Variants in BMERB1 observed in about 807,000 individuals in gnomAD.
The protein encoded by BMERB1 is bMERB domain containing 1, also known as bMERB domain-containing protein 1.
Under a neutral mutation model 23.6 loss-of-function variants are expected in BMERB1, and 12 were observed. That is an observed-to-expected ratio of 0.51 (90% CI 0.33 to 0.82). The LOEUF is 0.82. BMERB1 is among the 40% of genes least tolerant of loss of function. BMERB1 has a pLI of 0.03. For synonymous variants in BMERB1, 122 were observed against 96.6 expected, an observed-to-expected ratio of 1.26 and a Z score of -1.54; for missense variants, 247 against 255.4, an observed-to-expected ratio of 0.97 and a Z score of 0.22.
intron 2 of BMERB1, among the ~76,000 whole-genome samples, chr16:15,526,392 G>A (rs923574926): frequency 1.4e-4 from 21 of 152,136 alleles, no homozygotes; most frequent in African/African-American, 3.9e-4. Flanking sequence ...TAGGCCGGGC[G>A]TGGTGGCTCA....
At chr16:15,542,815 A>G (rs1222012661) in intron 2 of BMERB1, among the ~76,000 whole-genome samples, 3 of 152,112 alleles carry the variant, frequency 2.0e-5, no homozygotes, top group African/African-American at 7.2e-5. Flanking sequence ...CTGCCACTGC[A>G]TCAAACCCCT....
intron 1 of BMERB1, among the ~76,000 whole-genome samples, chr16:15,452,649 T>C (rs1724466323): frequency 6.6e-6 from 1 of 152,140 alleles, no homozygotes; most frequent in Non-Finnish European, 1.5e-5. Flanking sequence ...GTACAAACTT[T>C]CCCTGTGTCC....
chr16:15,553,383 G>C (rs2150966982), intron 2 of BMERB1, among the ~76,000 whole-genome samples: 1 of 152,332 alleles, frequency 6.6e-6, no homozygotes, highest in East Asian at 1.9e-4. Flanking sequence ...GCTGAGGCAG[G>C]AGGATTGCTC....
intron 1 of BMERB1, among the ~76,000 whole-genome samples, chr16:15,469,605 T>C (rs1226533748): frequency 1.3e-5 from 2 of 152,220 alleles, no homozygotes; most frequent in Non-Finnish European, 2.9e-5. Flanking sequence ...TATGTGGAGT[T>C]TGCCAATCCA....
chr16:15,578,890 G>A (rs1358838234), intron 3 of BMERB1, among the ~76,000 whole-genome samples: 2 of 152,192 alleles, frequency 1.3e-5, no homozygotes, highest in Non-Finnish European at 1.5e-5. Context: ...AGTGGAAGAT[G>A]ATGGGAAAGG....
intron 2 of BMERB1, among the ~76,000 whole-genome samples, chr16:15,523,609 C>G (rs924769711): frequency 6.6e-6 from 1 of 152,182 alleles, no homozygotes; most frequent in Non-Finnish European, 1.5e-5. Flanking sequence ...AATTCTACTT[C>G]TTACCAACTG....
intron 2 of BMERB1, among the ~76,000 whole-genome samples, chr16:15,563,605 TAC>T (rs1003971090): frequency 1.3e-5 from 2 of 152,116 alleles, no homozygotes; most frequent in Admixed American, 6.6e-5. Context: ...CCACTGGCTG[TAC>T]AGGAAGCATG....
At chr16:15,527,902 A>C (rs1472247590) in intron 2 of BMERB1, among the ~76,000 whole-genome samples, 1 of 151,756 alleles carries the variant, frequency 6.6e-6, no homozygotes, top group African/African-American at 2.4e-5. Context: ...CCAACCCTCC[A>C]CCTCATATAT....
intron 3 of BMERB1, among the ~76,000 whole-genome samples, 179 bp downstream of exon 3, chr16:15,568,235 T>C (rs1481050892): frequency 6.6e-6 from 1 of 152,246 alleles, no homozygotes; most frequent in Non-Finnish European, 1.5e-5. Flanking sequence ...TAGTGAATTC[T>C]GGTCACCTTC....
At chr16:15,572,386 C>CTG (rs1399542996) in intron 3 of BMERB1, among the ~76,000 whole-genome samples, 1 of 152,152 alleles carries the variant, frequency 6.6e-6, no homozygotes, top group Non-Finnish European at 1.5e-5. Flanking sequence ...GTGCCCAGCA[C>CTG]TGTGTAGGCC....
chr16:15,568,464 C>G (rs2030638463), intron 3 of BMERB1, among the ~76,000 whole-genome samples: 2 of 151,954 alleles, frequency 1.3e-5, no homozygotes, highest in Admixed American at 6.6e-5. Flanking sequence ...ATGGCAAAAC[C>G]CCATCTCTAC....
intron 1 of BMERB1, among the ~76,000 whole-genome samples, chr16:15,453,832 C>T (rs2051062786): frequency 6.6e-6 from 1 of 152,144 alleles, no homozygotes; most frequent in Admixed American, 6.5e-5. Context: ...CGAGATTTCG[C>T]CACTGCACTC....
At chr16:15,558,568 C>T (rs1004078012) in intron 2 of BMERB1, among the ~76,000 whole-genome samples, 2 of 152,110 alleles carry the variant, frequency 1.3e-5, no homozygotes, top group Non-Finnish European at 2.9e-5. Context: ...CGGGTTCGAA[C>T]TGGACAGGAG....
At chr16:15,439,974 G>A (rs894239339) in intron 1 of BMERB1, among the ~76,000 whole-genome samples, 4 of 152,236 alleles carry the variant, frequency 2.6e-5, no homozygotes, top group South Asian at 2.1e-4. Context: ...GCTGGGTGTG[G>A]TGGCTCATGC....
rs371160708 is a variant in BMERB1 at position 15,528,451 on chromosome 16, G to A, written c.230+13023G>A. On this transcript the variant is annotated intron_variant, in intron 2 of 5. Coordinates refer to ENST00000300006, the MANE Select transcript of BMERB1 (RefSeq NM_033201.3). The stretch of plus-strand genomic sequence containing the variant: ...AAGAGTCATAAACATTTACACCATA[G>A]CAAACACCTTCCAGAATTTGTTAGC... Among the ~76,000 whole-genome samples the A allele has an allele frequency of 2.6e-5, 4 of 152,256 alleles. No individual in the cohort carries two copies. In the South Asian group the frequency reaches 6.2e-4, roughly 24 times the overall value.
intron 1 of BMERB1, among the ~76,000 whole-genome samples, chr16:15,468,785 C>G (rs2051205221): frequency 1.3e-5 from 2 of 151,794 alleles, no homozygotes; most frequent in African/African-American, 4.8e-5. Flanking sequence ...TAAGATTTTC[C>G]CTTGTTTTGT....
intron 1 of BMERB1, among the ~76,000 whole-genome samples, chr16:15,474,631 C>T (rs2051260159): frequency 6.6e-6 from 1 of 152,176 alleles, no homozygotes; most frequent in Non-Finnish European, 1.5e-5. Context: ...CCTCCTGCCT[C>T]AGCCTCCTAA....
chr16:15,485,784 C>T (rs2051363936), intron 1 of BMERB1, among the ~76,000 whole-genome samples: 3 of 152,062 alleles, frequency 2.0e-5, no homozygotes, highest in South Asian at 4.1e-4. Context: ...TGTTGGTTCC[C>T]AGCTTGGCTT....
chr16:15,586,493 G>A (rs2031145578), intron 5 of BMERB1, among the ~76,000 whole-genome samples: 1 of 152,206 alleles, frequency 6.6e-6, no homozygotes, highest in Non-Finnish European at 1.5e-5. Context: ...AGGGTTGGAA[G>A]CTGAGCATTG....
Sources: gnomAD v4.1 joint callset for allele counts (sites outside exome capture counted in the v4.1 genomes callset) on GRCh38, gnomAD v4.1.1 for gene constraint, MANE v1.5 for transcripts, NCBI Gene and HGNC (gene_info 2026-07-23, HGNC 2026-07-21) for gene names.